The following SIL1 variants were observed in gnomAD, a reference collection of about 807,000 sequenced individuals.
The protein encoded by SIL1 is nucleotide exchange factor SIL1.
SIL1 carries 40 observed loss-of-function variants against 49.1 expected under a neutral mutation model. That is an observed-to-expected ratio of 0.81 (90% CI 0.63 to 1.06). The LOEUF (loss-of-function observed/expected upper bound fraction) is 1.06. SIL1 is among the 50% of genes least tolerant of loss of function. SIL1 has a pLI of 0.00. For missense variants in SIL1, 500 were observed against 572.6 expected, an observed-to-expected ratio of 0.87 and a Z score of 1.29; for synonymous variants, 253 against 250.8, an observed-to-expected ratio of 1.01 and a Z score of -0.08.
chr5:139,024,542 C>G (rs753184898), intron 6 of SIL1, among the ~76,000 whole-genome samples: 5 of 152,216 alleles, frequency 3.3e-5, no homozygotes, highest in Non-Finnish European at 7.3e-5. Flanking sequence ...TTACAGAGAA[C>G]AAGGGCACTG....
At chr5:139,095,395 T>C (rs1339859365) in intron 3 of SIL1, among the ~76,000 whole-genome samples, 1 of 151,944 alleles carries the variant, frequency 6.6e-6, no homozygotes, top group Non-Finnish European at 1.5e-5. Flanking sequence ...CCTGAGTAGC[T>C]GAATTACAGG....
chr5:139,148,598 T>C (rs372456645), intron 1 of SIL1, among the ~76,000 whole-genome samples: 2 of 152,232 alleles, frequency 1.3e-5, no homozygotes, highest in African/African-American at 4.8e-5. Context: ...CAAGGATCAG[T>C]AAGCATTAGG....
intron 7 of SIL1, among the ~76,000 whole-genome samples, chr5:138,997,329 C>A (rs1267707755): frequency 6.6e-6 from 1 of 152,114 alleles, no homozygotes; most frequent in Non-Finnish European, 1.5e-5. Context: ...AGATAGAGGT[C>A]CAGTTTCATT....
intron 5 of SIL1, among the ~76,000 whole-genome samples, chr5:139,027,535 C>A (rs1375822015): frequency 6.6e-6 from 1 of 152,200 alleles, no homozygotes; most frequent in East Asian, 1.9e-4. Context: ...GTCAATCTAA[C>A]CACAGGTGTA....
Position 139,173,790 on chromosome 5 carries a change from C to CAAA in SIL1, c.-11+24476_-11+24478dup, listed in dbSNP as rs70982756. Among the ~76,000 whole-genome samples the CAAA allele has an allele frequency of 3.4e-3, 360 of 106,358 alleles. 6 individuals are homozygous for CAAA. Among genetic ancestry groups the CAAA allele is most frequent in the South Asian group, 0.016 (50 of 3,102 alleles). The allele number at this position is 106,358 out of a possible 152,430, so 69.8% of individuals were successfully genotyped here. A position where few individuals can be genotyped will look rare whatever the true frequency, so the allele number is the denominator to read the frequency against. On this transcript the variant is annotated intron_variant, in intron 1 of 9. Coordinates refer to ENST00000394817, the MANE Select transcript of SIL1 (RefSeq NM_022464.5). Reference sequence around the variant, plus strand: ...TGAAACCCCGTCTCTACTAAAAATACAAAAAAAAAAAAAAAAAAATTAGCC... The same window carrying CAAA: ...TGAAACCCCGTCTCTACTAAAAATACAAAAAAAAAAAAAAAAAAAAAATTAGCC...
At chr5:139,158,444 T>C (rs1158139497) in intron 1 of SIL1, among the ~76,000 whole-genome samples, 2 of 152,214 alleles carry the variant, frequency 1.3e-5, no homozygotes, top group African/African-American at 4.8e-5. Context: ...TCCCTAAGAA[T>C]CCTTGTGGGA....
chr5:139,105,588 C>T (rs750210831), intron 3 of SIL1, among the ~76,000 whole-genome samples: 87 of 152,308 alleles, frequency 5.7e-4, no homozygotes, highest in Admixed American at 1.7e-3. Context: ...GAGTTATATA[C>T]CCTTAGAAAG....
chr5:139,148,538 C>T (rs939134893), intron 1 of SIL1, among the ~76,000 whole-genome samples: 11 of 152,198 alleles, frequency 7.2e-5, no homozygotes, highest in African/African-American at 2.7e-4. Context: ...GTAAACATAT[C>T]CTGGAAACAG....
intron 7 of SIL1, 94 bp downstream of exon 7, chr5:139,021,077 T>C: frequency 1.3e-6 from 2 of 1,546,818 alleles, no homozygotes; most frequent in South Asian, 2.2e-5. Flanking sequence ...GACACTGAAA[T>C]GTCAGTAGCA....
chr5:139,188,987 A>C (rs929775), intron 1 of SIL1, among the ~76,000 whole-genome samples: 72,534 of 152,068 alleles, frequency 0.48, 17,877 homozygotes, highest in South Asian at 0.55. Flanking sequence ...TCAGCATGAA[A>C]TACCTATAAC....
intron 3 of SIL1, among the ~76,000 whole-genome samples, chr5:139,055,926 A>G (rs940421565): frequency 6.6e-5 from 10 of 151,270 alleles, no homozygotes; most frequent in Non-Finnish European, 1.2e-4. Context: ...GCCAGCCTCG[A>G]CCTCCCGAAG....
chr5:139,191,050 G>C (rs779571683), intron 1 of SIL1, among the ~76,000 whole-genome samples: 1 of 151,778 alleles, frequency 6.6e-6, no homozygotes, highest in Non-Finnish European at 1.5e-5. Context: ...TGGCCAACAT[G>C]GTAAAACCCC....
At position 139,149,417 on chromosome 5, in the gene SIL1, A is replaced by G. The variant is rs115630559; in HGVS notation, c.-10-21564T>C. Among the ~76,000 whole-genome samples, 423 of 152,276 alleles carry G rather than the reference A, an allele frequency of 2.8e-3. 2 individuals are homozygous for G. The highest frequency in any genetic ancestry group is 4.9e-3 in the Non-Finnish European group (334 of 68,024). On this transcript the variant is annotated intron_variant, in intron 1 of 9. Coordinates refer to ENST00000394817, the MANE Select transcript of SIL1 (RefSeq NM_022464.5). Reference sequence around the variant, plus strand: ...CAGAAGATTATTCATCCTTCCACACATATTTGTTTGAGACCTGCTGCAATC... The same window carrying G: ...CAGAAGATTATTCATCCTTCCACACGTATTTGTTTGAGACCTGCTGCAATC...
chr5:139,066,750 C>G (rs148643516), intron 3 of SIL1, among the ~76,000 whole-genome samples: 3,308 of 151,442 alleles, frequency 0.022, 129 homozygotes, highest in African/African-American at 0.077. Flanking sequence ...CTGTTGCCCA[C>G]GCTGGGGTGC....
intron 6 of SIL1, chr5:139,021,937 T>C (rs890550592): frequency 3.1e-5 from 5 of 161,606 alleles, no homozygotes; most frequent in African/African-American, 9.6e-5. Flanking sequence ...TATCAGACAG[T>C]GCAGAACATT....
chr5:139,019,927 A>C (rs886734630), intron 7 of SIL1, among the ~76,000 whole-genome samples: 2 of 152,170 alleles, frequency 1.3e-5, no homozygotes, highest in African/African-American at 2.4e-5. Context: ...AAGCCTCTAA[A>C]GCCTTATAAG....
At chr5:139,111,487 G>A (rs1770836645) in intron 3 of SIL1, among the ~76,000 whole-genome samples, 1 of 152,040 alleles carries the variant, frequency 6.6e-6, no homozygotes, top group South Asian at 2.1e-4. Context: ...CCCACCTCAG[G>A]GAAGCCTTTC....
At chr5:139,182,954 T>C (rs948898672) in intron 1 of SIL1, among the ~76,000 whole-genome samples, 1 of 152,236 alleles carries the variant, frequency 6.6e-6, no homozygotes, top group Non-Finnish European at 1.5e-5. Context: ...GGAGAGATGC[T>C]CTTACATGTC....
intron 1 of SIL1, among the ~76,000 whole-genome samples, chr5:139,174,418 G>T (rs1751837080): frequency 6.6e-6 from 1 of 151,992 alleles, no homozygotes; most frequent in African/African-American, 2.4e-5. Context: ...GATCACTTGA[G>T]CCCAGGAGGT....
Sources: allele counts gnomAD v4.1 joint callset (sites outside exome capture counted in the v4.1 genomes callset), GRCh38; gene constraint gnomAD v4.1.1; transcripts MANE v1.5; gene names NCBI Gene and HGNC (gene_info 2026-07-23, HGNC 2026-07-21).